STAG1: variants seen among roughly 807,000 people sequenced by gnomAD.
The protein encoded by STAG1 is cohesin subunit SA-1.
Under a neutral mutation model 170.9 loss-of-function variants are expected in STAG1, and 26 were observed. The ratio of observed to expected loss-of-function variants is 0.15; its 90% confidence interval spans 0.11 to 0.21. The LOEUF is 0.21. Among genes scored for constraint, STAG1 ranks in the 10% least tolerant of loss-of-function variants. STAG1 has a pLI of 1.00. For missense variants in STAG1, 964 were observed against 1,509.5 expected (o/e 0.64, Z 5.99); for synonymous variants, 514 against 497.7 (o/e 1.03, Z -0.44).
intron 31 of STAG1, 130 bp from the exon 32 acceptor site, chr3:136,340,735 A>G (rs1935933350): frequency 1.7e-6 from 1 of 603,182 alleles, no homozygotes; most frequent in Non-Finnish European, 3.0e-6. Context: ...GACTACACAA[A>G]TTAGACTGAA....
At chr3:136,503,227 T>C (rs1933578114) in intron 7 of STAG1, among the ~76,000 whole-genome samples, 1 of 152,172 alleles carries the variant, frequency 6.6e-6, no homozygotes, top group African/African-American at 2.4e-5. Flanking sequence ...TTTGTGATCT[T>C]TACCCCCATA....
At chr3:136,587,617 T>C (rs1576636754) in intron 4 of STAG1, among the ~76,000 whole-genome samples, 1 of 150,006 alleles carries the variant, frequency 6.7e-6, no homozygotes, top group South Asian at 2.1e-4. Flanking sequence ...TTACTTTTCA[T>C]CCTAGGAAAA....
At chr3:136,487,327 G>C (rs536773672) in intron 9 of STAG1, among the ~76,000 whole-genome samples, 2 of 152,290 alleles carry the variant, frequency 1.3e-5, no homozygotes, top group African/African-American at 4.8e-5. Context: ...TTTTACGGCT[G>C]CATGGTATTC....
intron 16 of STAG1, among the ~76,000 whole-genome samples, chr3:136,430,804 C>CAG (rs1234024471): frequency 8.6e-6 from 1 of 116,446 alleles, no homozygotes; most frequent in Non-Finnish European, 1.8e-5. Context: ...CAGACATAGA[C>CAG]AGACACACAC....
At chr3:136,470,209 T>C (rs1254790505) in intron 12 of STAG1, among the ~76,000 whole-genome samples, 1 of 152,122 alleles carries the variant, frequency 6.6e-6, no homozygotes, top group Non-Finnish European at 1.5e-5. Context: ...ACCTACAGAA[T>C]GGGAGAAAAT....
intron 4 of STAG1, among the ~76,000 whole-genome samples, chr3:136,593,969 C>CA (rs533305293): frequency 6.0e-4 from 92 of 152,302 alleles, no homozygotes; most frequent in African/African-American, 2.0e-3. Flanking sequence ...TCTAATGTCT[C>CA]AGTATCATTT....
At chr3:136,519,214 C>T (rs1365334071) in intron 7 of STAG1, among the ~76,000 whole-genome samples, 1 of 152,054 alleles carries the variant, frequency 6.6e-6, no homozygotes, top group Non-Finnish European at 1.5e-5. Context: ...ATATAGCACT[C>T]CTCTTATGTT....
chr3:136,586,839 T>C (rs1490211964), intron 4 of STAG1: 2 of 456,558 alleles, frequency 4.4e-6, no homozygotes, highest in African/African-American at 2.0e-5. Context: ...GGAATGTAAA[T>C]AGAGGGGCCA....
intron 1 of STAG1, among the ~76,000 whole-genome samples, chr3:136,683,728 T>C (rs1340652611): frequency 6.6e-6 from 1 of 152,142 alleles, no homozygotes; most frequent in East Asian, 1.9e-4. Flanking sequence ...ATAAAAGGCA[T>C]ACAGAATGGG....
intron 5 of STAG1, among the ~76,000 whole-genome samples, chr3:136,562,973 T>A (rs574544514): frequency 6.6e-6 from 1 of 152,346 alleles, no homozygotes; most frequent in Admixed American, 6.5e-5. Flanking sequence ...GCTTGTCTTA[T>A]GTTTCTTCAT....
intron 7 of STAG1, among the ~76,000 whole-genome samples, chr3:136,515,861 C>T (rs141982996): frequency 0.013 from 2,028 of 151,966 alleles, 21 homozygotes; most frequent in Non-Finnish European, 0.018. Context: ...ATTAATCCCA[C>T]GAGAACATCA....
At chr3:136,587,878 C>T (rs1230905666) in intron 4 of STAG1, among the ~76,000 whole-genome samples, 2 of 152,130 alleles carry the variant, frequency 1.3e-5, no homozygotes, top group Non-Finnish European at 2.9e-5. Flanking sequence ...AGGAGAATAG[C>T]TTGAACCCGG....
chr3:136,630,663 T>C (rs931740254), intron 2 of STAG1, among the ~76,000 whole-genome samples: 1 of 152,158 alleles, frequency 6.6e-6, no homozygotes, highest in African/African-American at 2.4e-5. Context: ...TTGTTGAATA[T>C]CAGAAAACAT....
intron 1 of STAG1, among the ~76,000 whole-genome samples, chr3:136,694,534 T>G (rs1942820405): frequency 6.6e-6 from 1 of 151,676 alleles, no homozygotes; most frequent in Admixed American, 6.6e-5. Flanking sequence ...GAGGTTCAGT[T>G]CAGCCCAGGA....
chr3:136,707,443 A>T (rs1943258879), intron 1 of STAG1, among the ~76,000 whole-genome samples: 1 of 152,240 alleles, frequency 6.6e-6, no homozygotes, highest in Admixed American at 6.5e-5. Flanking sequence ...AAAATGTTCA[A>T]CTTCATCGGT....
At chr3:136,518,509 C>T in intron 7 of STAG1, 1 of 637,278 alleles carries the variant, frequency 1.6e-6, no homozygotes, top group South Asian at 1.7e-5. Context: ...ACAAAATGTC[C>T]TTGAAAAGAG....
rs373555631 is a variant in STAG1 at position 136,669,739 on chromosome 3, T to G, written c.-83-38758A>C. Among the ~76,000 whole-genome samples the G allele has an allele frequency of 1.8e-4, 28 of 152,310 alleles. No individual in the cohort carries two copies. The South Asian group carries it at 5.4e-3, about 29-fold the overall frequency. On this transcript the variant is annotated intron_variant, in intron 1 of 33. Coordinates refer to ENST00000383202, the MANE Select transcript of STAG1 (RefSeq NM_005862.3). ...AAAGACGCCATTTCAAAATTTTGTG[T>G]TTAAAAAACAAAGCTCTAATCTAAC...
chr3:136,738,538 C>T (rs1934478103), intron 1 of STAG1, among the ~76,000 whole-genome samples: 1 of 152,088 alleles, frequency 6.6e-6, no homozygotes, highest in African/African-American at 2.4e-5. Flanking sequence ...GAGGTCCCAG[C>T]TACTTAGGAG....
intron 1 of STAG1, among the ~76,000 whole-genome samples, chr3:136,750,915 C>G (rs917616044): frequency 6.6e-6 from 1 of 152,276 alleles, no homozygotes; most frequent in African/African-American, 2.4e-5. Context: ...TTTATTTTCA[C>G]TCTTCTGTAT....
Sources: gnomAD v4.1 joint callset for allele counts (sites outside exome capture counted in the v4.1 genomes callset) on GRCh38, gnomAD v4.1.1 for gene constraint, MANE v1.5 for transcripts, NCBI Gene and HGNC (gene_info 2026-07-23, HGNC 2026-07-21) for gene names.